ACSS3: variants seen among roughly 807,000 people sequenced by gnomAD.
ACSS3 encodes the protein acyl-CoA synthetase short-chain family member 3, mitochondrial.
Under a neutral mutation model 84.2 loss-of-function variants are expected in ACSS3, and 64 were observed. The ratio of observed to expected loss-of-function variants is 0.76; its 90% CI spans 0.62 to 0.94. ACSS3 has a LOEUF of 0.94. Ranked by LOEUF, ACSS3 falls within the 40% of genes least tolerant of loss-of-function variation. ACSS3 has a pLI of 0.00. For missense variants in ACSS3, 815 were observed against 867.6 expected (o/e 0.94, Z 0.76); for synonymous variants, 317 against 310.1 (o/e 1.02, Z -0.23).
intron 3 of ACSS3, among the ~76,000 whole-genome samples, chr12:81,137,533 A>G (rs1049605830): frequency 4.6e-5 from 7 of 152,184 alleles, no homozygotes; most frequent in African/African-American, 1.7e-4. Flanking sequence ...TGATCTTCAA[A>G]TAAATAGGCT....
rs866965478 is a variant in ACSS3 at position 81,107,527 on chromosome 12, T to C, written c.312-2033T>C. ...AAATATATACATATATATATATATA[T>C]ATATATATATATATATATATATATA... is the stretch of plus-strand genomic sequence containing the variant. On this transcript the variant is annotated intron_variant, in intron 1 of 15. Coordinates refer to ENST00000548058, the MANE Select transcript of ACSS3 (RefSeq NM_024560.4). 1.4e-3 allele frequency among the ~76,000 whole-genome samples: 132 copies of C among 95,058 alleles called. 7 individuals carry two copies. The highest frequency in any genetic ancestry group is 0.013 in the East Asian group (44 of 3,314). 62.4% of individuals were successfully genotyped at this position (95,058 alleles called of 152,430 possible). A position where few individuals can be genotyped will look rare whatever the true frequency, so the allele number is the denominator to read the frequency against.
At chr12:81,232,556 C>T (rs1382989472) in intron 12 of ACSS3, among the ~76,000 whole-genome samples, 1 of 151,612 alleles carries the variant, frequency 6.6e-6, no homozygotes, top group Non-Finnish European at 1.5e-5. Context: ...TTATTGAGAG[C>T]TCAGGATGTG....
At chr12:81,149,535 C>T (rs771038049) in intron 5 of ACSS3, among the ~76,000 whole-genome samples, 6 of 152,068 alleles carry the variant, frequency 3.9e-5, no homozygotes, top group Non-Finnish European at 8.8e-5. Context: ...ATCAAATACT[C>T]AGAAATTTGA....
intron 5 of ACSS3, 63 bp from the exon 6 acceptor site, chr12:81,151,781 T>TG: frequency 7.0e-7 from 1 of 1,429,800 alleles, no homozygotes; most frequent in Non-Finnish European, 9.7e-7. Context: ...GTGGATGCTA[T>TG]GAAGATAGAG....
Position 81,139,115 on chromosome 12 carries a change from TA to T in ACSS3, c.646-15del. The T allele has an allele frequency of 6.2e-7, 1 of 1,609,092 alleles. No homozygotes were observed. Among genetic ancestry groups the T allele is most frequent in the Non-Finnish European group, 8.5e-7 (1 of 1,177,650 alleles). On this transcript the variant is annotated splice_polypyrimidine_tract_variant and intron_variant, in intron 3 of 15. Coordinates refer to ENST00000548058, the MANE Select transcript of ACSS3 (RefSeq NM_024560.4). The stretch of plus-strand genomic sequence containing the variant: ...ATTGTTAAAGCTTTCTCTCCATTAT[TA>T]TTTTTTAATTGTAGCCCAAGGTGGT...
chr12:81,224,406 T>G (rs941262365), intron 11 of ACSS3, among the ~76,000 whole-genome samples: 5 of 151,956 alleles, frequency 3.3e-5, no homozygotes, highest in African/African-American at 1.2e-4. Flanking sequence ...GGTGTTAATT[T>G]GGAATACTGC....
intron 7 of ACSS3, among the ~76,000 whole-genome samples, chr12:81,168,410 T>A (rs1345849303): frequency 6.6e-6 from 1 of 152,208 alleles, no homozygotes; most frequent in African/African-American, 2.4e-5. Flanking sequence ...AATGAACATA[T>A]GTACATACCT....
chr12:81,128,652 T>C (rs1037220444), intron 2 of ACSS3, among the ~76,000 whole-genome samples: 1 of 152,224 alleles, frequency 6.6e-6, no homozygotes, highest in African/African-American at 2.4e-5. Context: ...TTTTCTTCAG[T>C]TGAAAAACTA....
intron 13 of ACSS3, among the ~76,000 whole-genome samples, chr12:81,234,596 G>A (rs1048934478): frequency 1.3e-5 from 2 of 151,184 alleles, no homozygotes; most frequent in Non-Finnish European, 3.0e-5. Context: ...CATTCTACTC[G>A]GTGTGTAATA....
At chr12:81,188,421 T>G (rs1471833283) in intron 8 of ACSS3, among the ~76,000 whole-genome samples, 1 of 152,034 alleles carries the variant, frequency 6.6e-6, no homozygotes, top group Non-Finnish European at 1.5e-5. Context: ...AAGTTATAAT[T>G]ATTACAAAGT....
intron 13 of ACSS3, among the ~76,000 whole-genome samples, chr12:81,237,731 C>T (rs921030735): frequency 2.6e-5 from 4 of 151,644 alleles, no homozygotes; most frequent in Admixed American, 2.0e-4. Flanking sequence ...AAGCTTTTGT[C>T]TATTTGGATA....
intron 5 of ACSS3, among the ~76,000 whole-genome samples, chr12:81,151,256 C>A (rs1565692897): frequency 6.6e-6 from 1 of 152,066 alleles, no homozygotes; most frequent in Non-Finnish European, 1.5e-5. Context: ...AATTTTTTAA[C>A]CTTAGATTCA....
At chr12:81,155,785 A>C (rs1239392376) in intron 7 of ACSS3, among the ~76,000 whole-genome samples, 1 of 152,186 alleles carries the variant, frequency 6.6e-6, no homozygotes, top group African/African-American at 2.4e-5. Flanking sequence ...ATGTGTGCCT[A>C]TACATTCCAG....
intron 11 of ACSS3, among the ~76,000 whole-genome samples, chr12:81,225,407 T>G (rs1010313072): frequency 1.3e-5 from 2 of 151,906 alleles, no homozygotes; most frequent in African/African-American, 4.8e-5. Flanking sequence ...ATTTCATATC[T>G]TGCTTTTCAG....
At chr12:81,112,753 G>A (rs955182568) in intron 2 of ACSS3, among the ~76,000 whole-genome samples, 8 of 152,096 alleles carry the variant, frequency 5.3e-5, no homozygotes, top group Admixed American at 1.3e-4. Context: ...GAGAACAAAC[G>A]AAAAGAAGTG....
chr12:81,105,375 G>A (rs1472049009), intron 1 of ACSS3, among the ~76,000 whole-genome samples: 1 of 152,134 alleles, frequency 6.6e-6, no homozygotes, highest in Non-Finnish European at 1.5e-5. Context: ...GGGCTCAACA[G>A]CAGAATGCAG....
intron 11 of ACSS3, among the ~76,000 whole-genome samples, chr12:81,225,668 C>G (rs1030899218): frequency 6.6e-6 from 1 of 152,016 alleles, no homozygotes; most frequent in African/African-American, 2.4e-5. Context: ...CACTATCTTC[C>G]CTATCAGTAT....
chr12:81,100,541 T>C (rs996817886), intron 1 of ACSS3, among the ~76,000 whole-genome samples: 2 of 152,200 alleles, frequency 1.3e-5, no homozygotes, highest in African/African-American at 4.8e-5. Context: ...TCTTAAATTA[T>C]GAAATACAAC....
intron 9 of ACSS3, among the ~76,000 whole-genome samples, chr12:81,202,173 G>A (rs1449566706): frequency 6.6e-6 from 1 of 151,988 alleles, no homozygotes; most frequent in Non-Finnish European, 1.5e-5. Context: ...CAACTACTTG[G>A]GAGGCTGAGG....
Sources: gnomAD v4.1 joint callset for allele counts (sites outside exome capture counted in the v4.1 genomes callset) on GRCh38, gnomAD v4.1.1 for gene constraint, MANE v1.5 for transcripts, NCBI Gene and HGNC (gene_info 2026-07-23, HGNC 2026-07-21) for gene names.